Variants in CASR observed in about 807,000 individuals in gnomAD.
CASR encodes the protein calcium sensing receptor.
Under a neutral mutation model 69.1 loss-of-function variants are expected in CASR, and 23 were observed. That is an observed-to-expected ratio of 0.33 (90% confidence interval 0.24 to 0.47). The LOEUF is 0.47. Ranked by LOEUF, CASR falls within the 20% of genes least tolerant of loss-of-function variation. The probability of loss-of-function intolerance (pLI) is 1.00; values close to 1 mark genes in which losing one functional copy is unlikely to be tolerated. For missense variants in CASR, 924 were observed against 1,356.1 expected (o/e 0.68, Z 5.00); for synonymous variants, 541 against 544.7 (o/e 0.99, Z 0.10).
At chr3:122,184,980 G>C (rs2073763931) in intron 1 of CASR, among the ~76,000 whole-genome samples, 1 of 152,060 alleles carries the variant, frequency 6.6e-6, no homozygotes, top group Non-Finnish European at 1.5e-5. Flanking sequence ...CAGGATTCCT[G>C]GTCCAAGCTA....
At chr3:122,222,232 G>A (rs2074178958) in intron 1 of CASR, among the ~76,000 whole-genome samples, 1 of 152,070 alleles carries the variant, frequency 6.6e-6, no homozygotes, top group South Asian at 2.1e-4. Flanking sequence ...CTGACTTTTG[G>A]TCTTCTCATC....
At chr3:122,276,822 A>G (rs137888224) in intron 5 of CASR, among the ~76,000 whole-genome samples, 2,108 of 152,240 alleles carry the variant, frequency 0.014, 17 homozygotes, top group Admixed American at 0.027. Flanking sequence ...CCCTCAGTCA[A>G]TTTGCACTTG....
At chr3:122,216,122 T>C (rs1391488950) in intron 1 of CASR, among the ~76,000 whole-genome samples, 1 of 152,246 alleles carries the variant, frequency 6.6e-6, no homozygotes, top group Non-Finnish European at 1.5e-5. Flanking sequence ...CATTACTGCT[T>C]AAGTATATTT....
intron 4 of CASR, among the ~76,000 whole-genome samples, chr3:122,271,769 G>A (rs2074760524): frequency 6.6e-6 from 1 of 152,064 alleles, no homozygotes; most frequent in Non-Finnish European, 1.5e-5. Context: ...GGCCCCCAAA[G>A]CCCCAGTCTT....
At chr3:122,208,357 T>C (rs934076328) in intron 1 of CASR, among the ~76,000 whole-genome samples, 3 of 152,200 alleles carry the variant, frequency 2.0e-5, no homozygotes, top group Non-Finnish European at 4.4e-5. Flanking sequence ...TTAATTCTAA[T>C]TATTTGTATG....
chr3:122,188,473 T>C (rs9968211), intron 1 of CASR, among the ~76,000 whole-genome samples: 3,205 of 152,018 alleles, frequency 0.021, 109 homozygotes, highest in African/African-American at 0.075. Flanking sequence ...TGGGAAGTGC[T>C]TGTATACAGA....
chr3:122,191,621 A>G (rs2073841012), intron 1 of CASR, among the ~76,000 whole-genome samples: 1 of 152,174 alleles, frequency 6.6e-6, no homozygotes, highest in Non-Finnish European at 1.5e-5. Flanking sequence ...CAACGTTTAA[A>G]ATACTTGTAT....
intron 1 of CASR, among the ~76,000 whole-genome samples, chr3:122,243,392 CAT>C (rs2074397020): frequency 6.6e-6 from 1 of 152,198 alleles, no homozygotes; most frequent in African/African-American, 2.4e-5. Flanking sequence ...CAAAAGAAGA[CAT>C]ATGAGTATGA....
chr3:122,247,555 A>C (rs1337043334), intron 1 of CASR: 1 of 152,238 alleles, frequency 6.6e-6, no homozygotes, highest in Non-Finnish European at 1.5e-5. Context: ...CATAAAGGAA[A>C]CAGTTCAGGA....
intron 4 of CASR, among the ~76,000 whole-genome samples, chr3:122,270,052 G>C (rs56891512): frequency 0.019 from 2,962 of 152,160 alleles, 100 homozygotes; most frequent in African/African-American, 0.067. Flanking sequence ...ATGTCGACCA[G>C]GCTCGTCTCT....
intron 1 of CASR, among the ~76,000 whole-genome samples, chr3:122,194,892 T>G (rs1227858057): frequency 6.6e-6 from 1 of 152,110 alleles, no homozygotes; most frequent in Non-Finnish European, 1.5e-5. Flanking sequence ...GGGAGCAGCA[T>G]GGCCAACACA....
chr3:122,187,813 G>A (rs2073801277), intron 1 of CASR, among the ~76,000 whole-genome samples: 1 of 152,206 alleles, frequency 6.6e-6, no homozygotes, highest in African/African-American at 2.4e-5. Context: ...GTGGTTCAAG[G>A]AGCTGAAGCA....
chr3:122,198,078 A>G (rs1170950480), intron 1 of CASR, among the ~76,000 whole-genome samples: 1 of 152,238 alleles, frequency 6.6e-6, no homozygotes, highest in African/African-American at 2.4e-5. Flanking sequence ...TAGAAGGAAT[A>G]ATTAACCTCA....
intron 1 of CASR, among the ~76,000 whole-genome samples, chr3:122,229,162 T>A (rs2074256327): frequency 2.0e-5 from 3 of 152,254 alleles, no homozygotes; most frequent in Admixed American, 1.3e-4. Flanking sequence ...ATATATTTTA[T>A]TGTAAACAGT....
Position 122,286,563 on chromosome 3 carries a change from T to C in CASR, c.*1372T>C, listed in dbSNP as rs2074971867. 1 of 152,238 alleles carries C rather than the reference T, an allele frequency of 6.6e-6. No individual in the cohort carries two copies. Among genetic ancestry groups the C allele is most frequent in the Non-Finnish European group, 1.5e-5 (1 of 68,046 alleles). The allele number at this position is 152,238 out of a possible 1,614,324, so 9.4% of individuals were successfully genotyped here. On this transcript the variant is annotated 3_prime_UTR_variant, in exon 7 of 7. Coordinates refer to ENST00000639785, the MANE Select transcript of CASR (RefSeq NM_000388.4). The stretch of plus-strand genomic sequence containing the variant: ...AAAACAAAACATACATATTAACCAT[T>C]CAGATTGTACTGCCTAGCCCACTGA...
Position 122,288,730 on chromosome 3 carries a change from T to C in CASR, c.*3539T>C, listed in dbSNP as rs1311175516. ...AATTGGTAGCTTCAACAAACTAGTG[T>C]TTGCTTTTCTCTTGAATAAAGGAAG... On this transcript the variant is annotated 3_prime_UTR_variant, in exon 7 of 7. Coordinates refer to ENST00000639785, the MANE Select transcript of CASR (RefSeq NM_000388.4). 6.6e-6 allele frequency: 1 copy of C among 152,168 alleles called. No individual in the cohort carries two copies. Among genetic ancestry groups the C allele is most frequent in the Non-Finnish European group, 1.5e-5 (1 of 68,026 alleles). The allele number at this position is 152,168 out of a possible 1,614,324, so 9.4% of individuals were successfully genotyped here.
At chr3:122,253,844 C>T (rs1451305517) in intron 1 of CASR, 104 bp from the exon 2 acceptor site, 6 of 333,470 alleles carry the variant, frequency 1.8e-5, no homozygotes, top group Non-Finnish European at 1.7e-5. Context: ...TCTGCCACCC[C>T]TAGGCCCCTC....
intron 1 of CASR, among the ~76,000 whole-genome samples, chr3:122,220,848 C>T (rs1489081230): frequency 6.6e-6 from 1 of 152,144 alleles, no homozygotes; most frequent in African/African-American, 2.4e-5. Context: ...GTGGCAGGCA[C>T]CTGTAATCCC....
At chr3:122,259,175 T>G (rs1417550979) in intron 3 of CASR, among the ~76,000 whole-genome samples, 2 of 152,194 alleles carry the variant, frequency 1.3e-5, no homozygotes, top group Non-Finnish European at 2.9e-5. Context: ...TGGTAAACAT[T>G]ATAAATACGT....
Sources: allele counts gnomAD v4.1 joint callset (sites outside exome capture counted in the v4.1 genomes callset), GRCh38; gene constraint gnomAD v4.1.1; transcripts MANE v1.5; gene names NCBI Gene and HGNC (gene_info 2026-07-23, HGNC 2026-07-21).